The following ENTREP1 variants were observed in gnomAD, a reference collection of about 807,000 sequenced individuals.
The protein encoded by ENTREP1 is Friedreich ataxia region gene X123.
the ENTREP1 span, among the ~76,000 whole-genome samples, chr9:69,370,181 T>C: frequency 0.44 from 66,962 of 151,970 alleles, 15,174 homozygotes; most frequent in African/African-American, 0.55. Context: ...AGGCATTGTA[T>C]ATTATCGTAA....
At chr9:69,365,892 G>A in the ENTREP1 span, among the ~76,000 whole-genome samples, 2 of 152,032 alleles carry the variant, frequency 1.3e-5, no homozygotes, top group Non-Finnish European at 2.9e-5. Flanking sequence ...ACATTTCAAT[G>A]TGTATATATA....
chr9:69,325,493 G>T, the ENTREP1 span: 7 of 944,754 alleles, frequency 7.4e-6, no homozygotes, highest in Middle Eastern at 5.4e-4. Flanking sequence ...CGCGGCCACC[G>T]CTGCTGCCGG....
chr9:69,330,382 G>A, the ENTREP1 span, among the ~76,000 whole-genome samples: 1 of 152,154 alleles, frequency 6.6e-6, no homozygotes, highest in South Asian at 2.1e-4. Flanking sequence ...CTCTCTGAGT[G>A]CCCTATTATT....
chr9:69,385,763 C>CTTTTTTTT, the ENTREP1 span: 1 of 1,243,188 alleles, frequency 8.0e-7, no homozygotes, highest in East Asian at 3.4e-5. Context: ...TGTTTCGCCT[C>CTTTTTTTT]TTTTTTTTTT....
chr9:69,391,881 C>A, the ENTREP1 span: 1 of 1,389,242 alleles, frequency 7.2e-7, no homozygotes. Flanking sequence ...GAGCTGTGGT[C>A]CACCTCAAAA....
At chr9:69,354,836 A>G in the ENTREP1 span, among the ~76,000 whole-genome samples, 1 of 152,150 alleles carries the variant, frequency 6.6e-6, no homozygotes, top group Admixed American at 6.5e-5. Flanking sequence ...GGATAACTTG[A>G]ATCTTTTATG....
At chr9:69,349,503 T>G in the ENTREP1 span, among the ~76,000 whole-genome samples, 1 of 152,242 alleles carries the variant, frequency 6.6e-6, no homozygotes. Context: ...ATTGTGATTT[T>G]GATTTGATGT....
chr9:69,388,026 G>C, the ENTREP1 span: 3 of 1,570,616 alleles, frequency 1.9e-6, no homozygotes, highest in Admixed American at 3.8e-5. Context: ...AAGATGAAAA[G>C]CAGGATGTGC....
At chr9:69,350,031 G>T in the ENTREP1 span, among the ~76,000 whole-genome samples, 1 of 152,134 alleles carries the variant, frequency 6.6e-6, no homozygotes, top group African/African-American at 2.4e-5. Context: ...GATTCTCTGT[G>T]TTGTCTTTTT....
chr9:69,387,945 C>T, the ENTREP1 span: 58 of 1,513,688 alleles, frequency 3.8e-5, no homozygotes, highest in East Asian at 5.6e-4. Flanking sequence ...GACACAATGA[C>T]GTGTTTCGGG....
the ENTREP1 span, chr9:69,392,005 G>C: frequency 1.7e-6 from 1 of 598,866 alleles, no homozygotes; most frequent in Non-Finnish European, 3.0e-6. Context: ...GGTTTGGGAT[G>C]CACTGAGTTG....
the ENTREP1 span, among the ~76,000 whole-genome samples, chr9:69,340,502 T>C: frequency 6.6e-6 from 1 of 152,204 alleles, no homozygotes; most frequent in African/African-American, 2.4e-5. Context: ...TACTCATGTG[T>C]TCAGAACAAA....
At chr9:69,391,792 G>T in the ENTREP1 span, 6 of 1,604,052 alleles carry the variant, frequency 3.7e-6, no homozygotes, top group Non-Finnish European at 4.3e-6. Flanking sequence ...TCATCCGAGA[G>T]ACTGTCCTGT....
chr9:69,387,822 C>T, the ENTREP1 span: 2 of 1,132,170 alleles, frequency 1.8e-6, no homozygotes, highest in Admixed American at 3.4e-5. Context: ...TCCTGCTTGG[C>T]CCATCCATCC....
chr9:69,391,587 C>T, the ENTREP1 span: 3 of 1,613,084 alleles, frequency 1.9e-6, no homozygotes, highest in Non-Finnish European at 2.5e-6. Context: ...CCCCACCCCT[C>T]TCTTTTCCCA....
At chr9:69,336,554 A>G in the ENTREP1 span, among the ~76,000 whole-genome samples, 6 of 152,174 alleles carry the variant, frequency 3.9e-5, no homozygotes, top group Admixed American at 1.3e-4. Context: ...ACTACTTACT[A>G]TGGGCAGTTT....
chr9:69,376,198 A>T, the ENTREP1 span, among the ~76,000 whole-genome samples: 2 of 152,200 alleles, frequency 1.3e-5, no homozygotes, highest in African/African-American at 4.8e-5. Context: ...ACCTACACAC[A>T]CATATACGGT....
chr9:69,385,776 T>C, the ENTREP1 span: 1 of 1,361,016 alleles, frequency 7.3e-7, no homozygotes, highest in East Asian at 2.8e-5. Context: ...TTTTTTTTTT[T>C]TTTTTTTTTT....
chr9:69,382,687 T>C, the ENTREP1 span: 1 of 152,290 alleles, frequency 6.6e-6, no homozygotes, highest in East Asian at 1.9e-4. Context: ...AATTTTTTCT[T>C]CCACCAATCA....
Sources: allele counts gnomAD v4.1 joint callset (sites outside exome capture counted in the v4.1 genomes callset), GRCh38; gene constraint gnomAD v4.1.1; transcripts MANE v1.5; gene names NCBI Gene and HGNC (gene_info 2026-07-23, HGNC 2026-07-21).